Variants in EPHA6 observed in about 807,000 individuals in gnomAD.
EPHA6 encodes the protein EPH receptor A6, also known as ephrin type-A receptor 6.
EPHA6 carries 50 observed loss-of-function variants against 112.0 expected under a neutral mutation model. The observed-to-expected ratio is 0.45, with a 90% CI of 0.36 to 0.56. EPHA6 has a LOEUF of 0.56. Among genes scored for constraint, EPHA6 ranks in the 20% least tolerant of loss-of-function variants. The pLI is 0.00. For missense variants in EPHA6, 1,280 were observed against 1,417.4 expected, an observed-to-expected ratio of 0.90 and a Z score of 1.56; for synonymous variants, 529 against 490.7, an observed-to-expected ratio of 1.08 and a Z score of -1.03.
At chr3:97,487,820 C>T (rs1023335416) in intron 10 of EPHA6, among the ~76,000 whole-genome samples, 3 of 152,134 alleles carry the variant, frequency 2.0e-5, no homozygotes, top group Admixed American at 6.5e-5. Flanking sequence ...TCAAGATCAT[C>T]TATCTCCTTT....
intron 3 of EPHA6, among the ~76,000 whole-genome samples, chr3:97,163,688 G>A (rs1184278147): frequency 1.3e-5 from 2 of 152,136 alleles, no homozygotes; most frequent in Non-Finnish European, 2.9e-5. Context: ...GGCAGTGTAA[G>A]GCTAATTCCC....
intron 3 of EPHA6, among the ~76,000 whole-genome samples, chr3:97,155,315 G>T (rs567129537): frequency 2.0e-5 from 3 of 152,222 alleles, no homozygotes; most frequent in South Asian, 4.1e-4. Context: ...TAGCTGTACA[G>T]AATCTTCCAG....
At position 97,207,507 on chromosome 3, in the gene EPHA6, G is replaced by T. The variant is rs538099292; in HGVS notation, c.1115-18757G>T. Among the ~76,000 whole-genome samples, 130 of 152,224 alleles carry T rather than the reference G, an allele frequency of 8.5e-4. 1 individual carries two copies. Among genetic ancestry groups the T allele is most frequent in the East Asian group, 1.4e-3 (7 of 5,164 alleles). ...GTTTGTGTATGTTGATAACGCATTT[G>T]TCTGGTCCAGTAGATTATTTTAGCT... On this transcript the variant is annotated intron_variant, in intron 3 of 17. Transcript: ENST00000389672.
chr3:97,523,613 A>G (rs570434406), intron 10 of EPHA6, among the ~76,000 whole-genome samples: 6 of 152,144 alleles, frequency 3.9e-5, no homozygotes, highest in African/African-American at 1.4e-4. Flanking sequence ...CATCGTTGAA[A>G]GTGCAGTATT....
chr3:97,095,569 A>T (rs149777643), intron 3 of EPHA6, among the ~76,000 whole-genome samples: 4 of 152,014 alleles, frequency 2.6e-5, no homozygotes, highest in African/African-American at 9.7e-5. Flanking sequence ...CAGACTAATG[A>T]AATTCCTGAT....
chr3:97,387,749 C>A (rs2086154058), intron 5 of EPHA6, among the ~76,000 whole-genome samples: 1 of 152,134 alleles, frequency 6.6e-6, no homozygotes, highest in Admixed American at 6.6e-5. Context: ...TAGCAATTCA[C>A]CACTCTCATT....
chr3:96,935,907 ATATT>A (rs1177615576), intron 2 of EPHA6, among the ~76,000 whole-genome samples: 4 of 151,954 alleles, frequency 2.6e-5, no homozygotes, highest in African/African-American at 9.7e-5. Flanking sequence ...GTGAAAATGA[ATATT>A]TAGTGTCATA....
intron 13 of EPHA6, among the ~76,000 whole-genome samples, chr3:97,629,563 G>T (rs1043520048): frequency 1.3e-5 from 2 of 151,616 alleles, no homozygotes; most frequent in Non-Finnish European, 2.9e-5. Flanking sequence ...TTCTTCTTTT[G>T]CATACAAAAC....
intron 1 of EPHA6, among the ~76,000 whole-genome samples, chr3:96,858,566 G>T (rs1179169408): frequency 6.6e-6 from 1 of 152,124 alleles, no homozygotes; most frequent in Non-Finnish European, 1.5e-5. Flanking sequence ...TACCTGAAAG[G>T]CGCTGTTATC....
At chr3:97,114,065 C>G (rs2047809181) in intron 3 of EPHA6, among the ~76,000 whole-genome samples, 1 of 151,962 alleles carries the variant, frequency 6.6e-6, no homozygotes, top group Non-Finnish European at 1.5e-5. Context: ...ACATCTGCTG[C>G]TATTATGCTA....
intron 11 of EPHA6, among the ~76,000 whole-genome samples, chr3:97,587,725 C>T (rs923406874): frequency 2.0e-5 from 3 of 152,130 alleles, no homozygotes; most frequent in Non-Finnish European, 4.4e-5. Flanking sequence ...GTGAATAACA[C>T]ATTTTAGGAG....
At chr3:96,957,695 T>C (rs1462372811) in intron 2 of EPHA6, among the ~76,000 whole-genome samples, 5 of 152,196 alleles carry the variant, frequency 3.3e-5, no homozygotes, top group African/African-American at 1.2e-4. Context: ...ATAATTTAAT[T>C]CTGTTAATTT....
rs776524490 is a variant in EPHA6, at chr3:97,678,387, G to A, written c.2784+40305G>A. Among the ~76,000 whole-genome samples, 109 of 152,160 alleles carry A rather than the reference G, an allele frequency of 7.2e-4. 3 individuals are homozygous for A. The highest frequency in any genetic ancestry group is 1.8e-4 in the Non-Finnish European group (12 of 68,030). ...TGAGGTTCAGAGGGTGCAGTTGGAA[G>A]GCTCTCAGTTTTGAAGACTACAAAG... On this transcript the variant is annotated intron_variant, in intron 14 of 17. Transcript: ENST00000389672.
chr3:97,584,972 C>T (rs2093474807), intron 11 of EPHA6, among the ~76,000 whole-genome samples: 1 of 152,132 alleles, frequency 6.6e-6, no homozygotes, highest in Non-Finnish European at 1.5e-5. Context: ...AAAGTTCTGC[C>T]TGACCTCAAA....
chr3:97,259,801 AC>A (rs59076555), intron 5 of EPHA6, among the ~76,000 whole-genome samples: 3,178 of 146,508 alleles, frequency 0.022, 116 homozygotes, highest in African/African-American at 0.071. Context: ...AAGAAAGTAT[AC>A]CTTTTTTTTT....
At chr3:96,960,143 C>A (rs539457432) in intron 2 of EPHA6, among the ~76,000 whole-genome samples, 1 of 152,150 alleles carries the variant, frequency 6.6e-6, no homozygotes, top group Admixed American at 6.5e-5. Context: ...TGAACCAGTT[C>A]TTTAGAGTAC....
intron 14 of EPHA6, among the ~76,000 whole-genome samples, chr3:97,705,065 G>T (rs1031187839): frequency 6.6e-6 from 1 of 151,966 alleles, no homozygotes; most frequent in South Asian, 2.1e-4. Flanking sequence ...CCTTTCAATG[G>T]TGTTCCATTG....
intron 16 of EPHA6, among the ~76,000 whole-genome samples, chr3:97,742,868 A>G (rs1370535901): frequency 3.9e-5 from 6 of 152,192 alleles, no homozygotes; most frequent in Non-Finnish European, 5.9e-5. Context: ...GTATGTACAT[A>G]GTGTATGCAT....
At chr3:97,340,403 A>G (rs986864470) in intron 5 of EPHA6, among the ~76,000 whole-genome samples, 3 of 152,132 alleles carry the variant, frequency 2.0e-5, no homozygotes, top group Non-Finnish European at 4.4e-5. Flanking sequence ...TAGTAAAATC[A>G]TGAAGGACAG....
Sources: gnomAD v4.1 joint callset for allele counts (sites outside exome capture counted in the v4.1 genomes callset) on GRCh38, gnomAD v4.1.1 for gene constraint, MANE v1.5 for transcripts, NCBI Gene and HGNC (gene_info 2026-07-23, HGNC 2026-07-21) for gene names.